The following AGAP1 variants were observed in gnomAD, a reference collection of about 807,000 sequenced individuals.
The protein encoded by AGAP1 is arf-GAP with GTPase, ANK repeat and PH domain-containing protein 1.
A neutral mutation model predicts 105.3 loss-of-function variants in AGAP1; 29 were observed. The observed-to-expected ratio is 0.28, with a 90% CI of 0.21 to 0.38. The LOEUF (loss-of-function observed/expected upper bound fraction) is 0.38, where lower values mean the gene tolerates loss of function less well. AGAP1 is among the 10% of genes least tolerant of loss of function. The pLI is 1.00. For missense variants in AGAP1, 998 were observed against 1,165.1 expected (o/e 0.86, Z 2.09); for synonymous variants, 509 against 485.9 (o/e 1.05, Z -0.63).
intron 11 of AGAP1, among the ~76,000 whole-genome samples, chr2:235,924,297 C>T (rs904834832): frequency 5.9e-5 from 9 of 152,142 alleles, no homozygotes; most frequent in Non-Finnish European, 8.8e-5. Flanking sequence ...CTGTACCTTC[C>T]AGCAGCGGTG....
In AGAP1 at chr2:235,708,343, C is replaced by A. The variant is rs185050472; in HGVS notation, c.164-836C>A. On this transcript the variant is annotated intron_variant, in intron 1 of 17. Coordinates refer to ENST00000304032, the MANE Select transcript of AGAP1 (RefSeq NM_001037131.3). ...CACCAGGACAAATGATGACTACTATCATGGGGTCTCATTTATGATAAGAAA... is the reference window on the plus strand; with the variant it reads ...CACCAGGACAAATGATGACTACTATAATGGGGTCTCATTTATGATAAGAAA... 2.1e-3 allele frequency among the ~76,000 whole-genome samples: 315 copies of A among 152,284 alleles called. 1 individual carries two copies. The highest frequency in any genetic ancestry group is 7.0e-3 in the African/African-American group (289 of 41,564).
intron 1 of AGAP1, among the ~76,000 whole-genome samples, chr2:235,495,194 G>T (rs1488078594): frequency 1.3e-5 from 2 of 152,128 alleles, no homozygotes; most frequent in African/African-American, 4.8e-5. Flanking sequence ...GGCGCCACCC[G>T]ACCCCTGACA....
intron 1 of AGAP1, among the ~76,000 whole-genome samples, chr2:235,640,671 G>C (rs546790088): frequency 6.6e-6 from 1 of 152,306 alleles, no homozygotes; most frequent in African/African-American, 2.4e-5. Flanking sequence ...TGTGTCTGCT[G>C]TCTGTTACCT....
chr2:235,554,131 T>C (rs1017333570), intron 1 of AGAP1, among the ~76,000 whole-genome samples: 2 of 152,188 alleles, frequency 1.3e-5, no homozygotes, highest in Non-Finnish European at 2.9e-5. Context: ...GTAGGACTTT[T>C]GGGAGAAGCA....
Position 235,887,942 on chromosome 2 carries a change from G to A in AGAP1, c.1155+4493G>A, listed in dbSNP as rs2050346639. ...GACAGAGATGAGATAGGGCCGTGCG[G>A]CAGCCCATCACCGGCAGCGCTTGCT... On this transcript the variant is annotated intron_variant, in intron 10 of 17. Coordinates refer to ENST00000304032, the MANE Select transcript of AGAP1 (RefSeq NM_001037131.3). This position sits in a 1 kb window ranked among gnomAD's most constrained non-coding sequence, Gnocchi z 4.1. Among the ~76,000 whole-genome samples, 1 of 152,124 alleles carries A rather than the reference G, an allele frequency of 6.6e-6. No individual in the cohort carries two copies. The highest frequency in any genetic ancestry group is 6.5e-5 in the Admixed American group (1 of 15,270).
At chr2:235,899,776 C>G (rs189304653) in intron 10 of AGAP1, among the ~76,000 whole-genome samples, 1 of 150,402 alleles carries the variant, frequency 6.6e-6, no homozygotes, top group East Asian at 2.1e-4. Context: ...TAGAGACAAG[C>G]AGCTGTTTTC....
intron 13 of AGAP1, among the ~76,000 whole-genome samples, chr2:236,028,752 C>A (rs2125631250): frequency 6.6e-6 from 1 of 152,268 alleles, no homozygotes; most frequent in South Asian, 2.1e-4. Flanking sequence ...AAAGCAGTTA[C>A]AGTGGGTGTC....
At chr2:235,544,892 TTGGTG>T (rs904961103) in intron 1 of AGAP1, among the ~76,000 whole-genome samples, 5 of 152,226 alleles carry the variant, frequency 3.3e-5, no homozygotes, top group Non-Finnish European at 7.3e-5. Flanking sequence ...TCGAGTATTC[TTGGTG>T]TGGTGGGGAA....
At position 235,677,189 on chromosome 2, in the gene AGAP1, A is replaced by C. The variant is rs562833850; in HGVS notation, c.164-31990A>C. ...AGCTAGTTTTAATTCAGAGATGGCTATTGGCCCTTTGTTTTCTTACCATCT... is the reference window on the plus strand; with the variant it reads ...AGCTAGTTTTAATTCAGAGATGGCTCTTGGCCCTTTGTTTTCTTACCATCT... On this transcript the variant is annotated intron_variant, in intron 1 of 17. Coordinates refer to ENST00000304032, the MANE Select transcript of AGAP1 (RefSeq NM_001037131.3). 4.6e-5 allele frequency among the ~76,000 whole-genome samples: 7 copies of C among 152,136 alleles called. 1 individual carries two copies. Among genetic ancestry groups the C allele is most frequent in the Non-Finnish European group, 1.0e-4 (7 of 68,030 alleles).
chr2:235,637,892 C>G (rs1236012280), intron 1 of AGAP1, among the ~76,000 whole-genome samples: 3 of 152,106 alleles, frequency 2.0e-5, no homozygotes, highest in Non-Finnish European at 2.9e-5. Flanking sequence ...ACAGATGTTC[C>G]AGCTCCAACA....
At chr2:236,079,517 G>A (rs2058726541) in intron 16 of AGAP1, among the ~76,000 whole-genome samples, 1 of 150,322 alleles carries the variant, frequency 6.7e-6, no homozygotes. Context: ...CTGGGTGACA[G>A]AGACCTCGTC....
chr2:236,048,232 C>T (rs943810969), intron 15 of AGAP1, among the ~76,000 whole-genome samples: 3 of 152,204 alleles, frequency 2.0e-5, no homozygotes, highest in African/African-American at 4.8e-5. Flanking sequence ...GAAGTCAACC[C>T]GGGCCTGAGT....
In AGAP1 at chr2:235,931,650, G is replaced by A. The variant is rs987488574; in HGVS notation, c.1483+727G>A. ...ACTGTTGTATGTAATCTATCAGACG[G>A]GGTTTTAGAGTAATCTTAGCATAAT... On this transcript the variant is annotated intron_variant, in intron 12 of 17. Coordinates refer to ENST00000304032, the MANE Select transcript of AGAP1 (RefSeq NM_001037131.3). This position sits in a 1 kb window ranked among gnomAD's most constrained non-coding sequence, Gnocchi z 5.6. Among the ~76,000 whole-genome samples, 1 of 152,002 alleles carries A rather than the reference G, an allele frequency of 6.6e-6. No homozygotes were observed. Among genetic ancestry groups the A allele is most frequent in the Non-Finnish European group, 1.5e-5 (1 of 68,012 alleles).
rs1030890565 is a variant in AGAP1, at chr2:235,728,133, A to G, written c.310+10489A>G. Among the ~76,000 whole-genome samples, 7 of 152,282 alleles carry G rather than the reference A, an allele frequency of 4.6e-5. No homozygotes were observed. Among genetic ancestry groups the G allele is most frequent in the Admixed American group, 3.9e-4 (6 of 15,302 alleles). On this transcript the variant is annotated intron_variant, in intron 3 of 17. Coordinates refer to ENST00000304032, the MANE Select transcript of AGAP1 (RefSeq NM_001037131.3). The surrounding 1 kb of genome is among the most constrained non-coding windows in gnomAD (Gnocchi z 4.3). ...AATTCCAAGGGCCAGGACGATGGAG[A>G]CAAGGGAAGTAGAAGTTGAAAGAAA...
Position 236,045,908 on chromosome 2 carries a change from G to T in AGAP1, c.1892-3151G>T, listed in dbSNP as rs1398513828. On this transcript the variant is annotated intron_variant, in intron 15 of 17. Coordinates refer to ENST00000304032, the MANE Select transcript of AGAP1 (RefSeq NM_001037131.3). This position sits in a 1 kb window ranked among gnomAD's most constrained non-coding sequence, Gnocchi z 6.9. ...GGTGAGCATGGGGCCCTGGAACACT[G>T]TGCCCCCGCCCCCTGCAACATTTTG... The T allele has an allele frequency of 4.3e-6, 2 of 470,120 alleles. No individual in the cohort carries two copies. Among genetic ancestry groups the T allele is most frequent in the African/African-American group, 4.0e-5 (2 of 50,178 alleles). The allele number at this position is 470,120 out of a possible 1,614,324, so 29.1% of individuals were successfully genotyped here. A position where few individuals can be genotyped will look rare whatever the true frequency, so the allele number is the denominator to read the frequency against.
intron 12 of AGAP1, among the ~76,000 whole-genome samples, chr2:235,950,000 A>G (rs896672235): frequency 6.6e-6 from 1 of 152,196 alleles, no homozygotes; most frequent in African/African-American, 2.4e-5. Flanking sequence ...GAAGTCTGGG[A>G]AGACACCAAA....
intron 1 of AGAP1, among the ~76,000 whole-genome samples, chr2:235,708,929 A>G (rs904541579): frequency 1.2e-4 from 19 of 152,306 alleles, no homozygotes; most frequent in African/African-American, 4.3e-4. Flanking sequence ...TTCGATTTTC[A>G]GTAACTTTTG....
intron 9 of AGAP1, among the ~76,000 whole-genome samples, chr2:235,826,452 A>T (rs557263011): frequency 9.2e-5 from 13 of 140,944 alleles, no homozygotes; most frequent in African/African-American, 3.4e-4. Flanking sequence ...CCCCACCCCC[A>T]CTCCTTTTTT....
At position 236,119,101 on chromosome 2, in the gene AGAP1, G is replaced by A. The variant is rs1335503873; in HGVS notation, c.2115-1091G>A. ...CCCATCCTCTGTAGACCCCCCAGGA[G>A]GAGACCATGTATTACACTGGCCAGG... On this transcript the variant is annotated intron_variant, in intron 16 of 17. Transcript: ENST00000304032. The surrounding 1 kb of genome is among the most constrained non-coding windows in gnomAD (Gnocchi z 6.6). 2.0e-5 allele frequency among the ~76,000 whole-genome samples: 3 copies of A among 152,090 alleles called. No homozygotes were observed. The highest frequency in any genetic ancestry group is 4.4e-5 in the Non-Finnish European group (3 of 68,010).
Sources: allele counts gnomAD v4.1 joint callset (sites outside exome capture counted in the v4.1 genomes callset), GRCh38; gene constraint gnomAD v4.1.1; non-coding constraint Gnocchi (gnomAD v3.1); transcripts MANE v1.5; gene names NCBI Gene and HGNC (gene_info 2026-07-23, HGNC 2026-07-21).